The following WDR4 variants were observed in gnomAD, a reference collection of about 807,000 sequenced individuals.
The protein encoded by WDR4 is tRNA (guanine-N(7)-)-methyltransferase non-catalytic subunit WDR4.
Under a neutral mutation model 48.6 loss-of-function variants are expected in WDR4, and 47 were observed. That is an observed-to-expected ratio of 0.97 (90% CI 0.77 to 1.23). The LOEUF is 1.23. Ranked by LOEUF, WDR4 falls within the 50% of genes most tolerant of loss-of-function variation. The probability of loss-of-function intolerance (pLI) is 0.00; values close to 1 mark genes in which losing one functional copy is unlikely to be tolerated. For synonymous variants in WDR4, 268 were observed against 230.0 expected, an observed-to-expected ratio of 1.17 and a Z score of -1.49; for missense variants, 606 against 551.6, an observed-to-expected ratio of 1.10 and a Z score of -0.99.
At chr21:42,853,001 TG>T (rs2057876165) in intron 9 of WDR4, among the ~76,000 whole-genome samples, 1 of 151,842 alleles carries the variant, frequency 6.6e-6, no homozygotes, top group South Asian at 2.1e-4. Context: ...AGCAACCCTG[TG>T]AGACGCAGGG....
chr21:42,891,253 C>T, the WDR4 span, among the ~76,000 whole-genome samples: 20 of 150,858 alleles, frequency 1.3e-4, no homozygotes, highest in African/African-American at 4.1e-4. Flanking sequence ...ACCCAGGAGG[C>T]GGAGGTTGCA....
chr21:42,863,972 T>TA lies in WDR4; in HGVS notation c.297-377_297-376insT, dbSNP rs1335650816. Among the ~76,000 whole-genome samples the TA allele has an allele frequency of 2.4e-5, 2 of 82,072 alleles. 1 individual carries two copies. The allele number at this position is 82,072 out of a possible 152,430, so 53.8% of individuals were successfully genotyped here. The stretch of plus-strand genomic sequence containing the variant: ...AATACAAAAAATTAGCCAGGCGTGG[T>TA]GGCGGGCGCCTGTAGTCCCAGCTAC... On this transcript the variant is annotated intron_variant, in intron 3 of 10. Coordinates refer to ENST00000398208, the MANE Select transcript of WDR4 (RefSeq NM_018669.6).
upstream of WDR4, among the ~76,000 whole-genome samples, chr21:42,883,224 G>A (rs1215751886): frequency 2.0e-5 from 3 of 146,958 alleles, no homozygotes; most frequent in Admixed American, 6.9e-5. Context: ...GCAGTGAGCC[G>A]AGATTGCGCC....
the WDR4 span, among the ~76,000 whole-genome samples, chr21:42,884,799 CAG>C: frequency 6.6e-6 from 1 of 152,182 alleles, no homozygotes; most frequent in Non-Finnish European, 1.5e-5. Context: ...TTTTTTCCGA[CAG>C]AGTCTCACTG....
intron 3 of WDR4, among the ~76,000 whole-genome samples, chr21:42,872,226 C>T (rs566475229): frequency 3.9e-5 from 6 of 152,164 alleles, no homozygotes; most frequent in Admixed American, 6.5e-5. Context: ...TCAGGTGATC[C>T]GATCCGCCTG....
chr21:42,850,646 AC>A (rs1177812429), intron 10 of WDR4, among the ~76,000 whole-genome samples: 2 of 152,118 alleles, frequency 1.3e-5, no homozygotes, highest in African/African-American at 4.8e-5. Flanking sequence ...CCTGCCGACA[AC>A]CCAGACTGAG....
intron 3 of WDR4, among the ~76,000 whole-genome samples, chr21:42,871,430 T>C (rs1036429433): frequency 1.3e-5 from 2 of 152,224 alleles, no homozygotes; most frequent in Admixed American, 6.5e-5. Flanking sequence ...GAGATCCCTG[T>C]GGAGGGGCTC....
At chr21:42,889,493 G>A in the WDR4 span, among the ~76,000 whole-genome samples, 221 of 152,212 alleles carry the variant, frequency 1.5e-3, 1 homozygote, top group African/African-American at 5.0e-3. Context: ...TTCCTCTGGC[G>A]ATTTCCAGCC....
At chr21:42,867,702 G>A (rs1354642663) in intron 3 of WDR4, among the ~76,000 whole-genome samples, 4 of 151,952 alleles carry the variant, frequency 2.6e-5, no homozygotes, top group African/African-American at 9.7e-5. Context: ...ACTTAAACTA[G>A]ATGCACTGCC....
chr21:42,857,975 T>C (rs550697506), intron 6 of WDR4, among the ~76,000 whole-genome samples: 60 of 152,064 alleles, frequency 3.9e-4, no homozygotes, highest in African/African-American at 1.4e-3. Context: ...CCTGTAATAC[T>C]AGCTACTCGG....
chr21:42,878,180 G>C (rs1197491652), intron 1 of WDR4, among the ~76,000 whole-genome samples: 1 of 152,070 alleles, frequency 6.6e-6, no homozygotes, highest in East Asian at 1.9e-4. Context: ...CATGACCCCA[G>C]GCACTTACCA....
intron 2 of WDR4, among the ~76,000 whole-genome samples, chr21:42,876,216 C>CTTTTTTTTTTTTT (rs1491253275): frequency 3.3e-5 from 2 of 60,976 alleles, no homozygotes; most frequent in South Asian, 5.3e-4. Context: ...TAACACTGTA[C>CTTTTTTTTTTTTT]TCTTTTTTTT....
chr21:42,845,410 C>T (rs764899971), downstream of WDR4, among the ~76,000 whole-genome samples: 11 of 152,222 alleles, frequency 7.2e-5, no homozygotes, highest in Non-Finnish European at 1.5e-4. Context: ...GGGGCCCTCG[C>T]GGCTGGTCAG....
chr21:42,854,691 T>C, intron 7 of WDR4, 65 bp from the exon 8 acceptor site: 1 of 1,530,998 alleles, frequency 6.5e-7, no homozygotes, highest in Non-Finnish European at 8.9e-7. Context: ...GGCGCTCTGA[T>C]CCAACAAGAG....
chr21:42,855,509 A>G (rs1186173335), intron 7 of WDR4, among the ~76,000 whole-genome samples, 173 bp downstream of exon 7: 1 of 152,258 alleles, frequency 6.6e-6, no homozygotes, highest in African/African-American at 2.4e-5. Context: ...ATTATTTCCC[A>G]CTGACATGAC....
At chr21:42,848,088 C>G (rs1274588636), downstream of WDR4, among the ~76,000 whole-genome samples, 2 of 152,192 alleles carry the variant, frequency 1.3e-5, no homozygotes, top group Non-Finnish European at 2.9e-5. Flanking sequence ...GAAAACAAGG[C>G]ACTTATGAAA....
chr21:42,858,089 C>G (rs965054621), intron 6 of WDR4, among the ~76,000 whole-genome samples: 1 of 151,842 alleles, frequency 6.6e-6, no homozygotes, highest in Non-Finnish European at 1.5e-5. Context: ...AAGACTCTGT[C>G]TCAAAAAAAA....
chr21:42,879,243 G>T, intron 1 of WDR4, 164 bp downstream of exon 1: 1 of 1,332,404 alleles, frequency 7.5e-7, no homozygotes. Context: ...GCGCAGAGAC[G>T]CGGCCAGGCC....
chr21:42,881,920 G>A (rs988601997), upstream of WDR4, among the ~76,000 whole-genome samples: 2 of 152,078 alleles, frequency 1.3e-5, no homozygotes, highest in Non-Finnish European at 2.9e-5. Context: ...TTCTGCATCA[G>A]CCTCCCAAGT....
Sources: gnomAD v4.1 joint callset for allele counts (sites outside exome capture counted in the v4.1 genomes callset) on GRCh38, gnomAD v4.1.1 for gene constraint, MANE v1.5 for transcripts, NCBI Gene and HGNC (gene_info 2026-07-23, HGNC 2026-07-21) for gene names.